The following OR9Q1 variants were observed in gnomAD, a reference collection of about 807,000 sequenced individuals.
The protein encoded by OR9Q1 is olfactory receptor 9Q1.
For missense variants in OR9Q1, 374 were observed against 378.8 expected, an observed-to-expected ratio of 0.99 and a Z score of 0.11; for synonymous variants, 153 against 148.6, an observed-to-expected ratio of 1.03 and a Z score of -0.22.
chr11:58,179,414 C>T lies in OR9Q1; in HGVS notation c.-14-17C>T, dbSNP rs1443564266. 4 of 1,448,696 alleles carry T rather than the reference C, an allele frequency of 2.8e-6. No individual in the cohort carries two copies. The highest frequency in any genetic ancestry group is 3.7e-6 in the Non-Finnish European group (4 of 1,068,084). 89.7% of individuals were successfully genotyped at this position (1,448,696 alleles called of 1,614,324 possible). On this transcript the variant is annotated splice_polypyrimidine_tract_variant and intron_variant, in intron 2 of 2. Coordinates refer to ENST00000335397, the MANE Select transcript of OR9Q1 (RefSeq NM_001005212.4). ...ATTTGCACCTTCCTAACTTGCTTCC[C>T]ATTCTACATGTCTCAGGGACCACTG...
At chr11:58,153,298 A>C (rs1246881246) in intron 2 of OR9Q1, among the ~76,000 whole-genome samples, 1 of 152,168 alleles carries the variant, frequency 6.6e-6, no homozygotes, top group Non-Finnish European at 1.5e-5. Context: ...TGGCTTTTAG[A>C]GTTTAAGAAA....
intron 2 of OR9Q1, among the ~76,000 whole-genome samples, chr11:58,129,159 G>T (rs1051507435): frequency 6.6e-6 from 1 of 151,804 alleles, no homozygotes; most frequent in African/African-American, 2.4e-5. Context: ...CATCTCCACG[G>T]CCCATCCACC....
At chr11:58,034,260 T>A (rs12792435) in intron 1 of OR9Q1, among the ~76,000 whole-genome samples, 32,670 of 151,372 alleles carry the variant, frequency 0.22, 4,075 homozygotes, top group Middle Eastern at 0.38. Flanking sequence ...TAATTTTTTT[T>A]ATATTTTTAG....
chr11:58,036,455 G>T (rs1853101728), intron 1 of OR9Q1, among the ~76,000 whole-genome samples: 1 of 152,176 alleles, frequency 6.6e-6, no homozygotes, highest in Admixed American at 6.5e-5. Flanking sequence ...AGTAGTTTTT[G>T]ATTTCAAGTC....
At chr11:58,048,669 TAAA>T (rs369007273) in intron 1 of OR9Q1, among the ~76,000 whole-genome samples, 3 of 104,014 alleles carry the variant, frequency 2.9e-5, no homozygotes, top group African/African-American at 3.1e-5. Flanking sequence ...GACTCCATCT[TAAA>T]AAAAAAAATA....
chr11:58,181,200 G>A lies in OR9Q1; in HGVS notation c.*823G>A, dbSNP rs886555830. The A allele has an allele frequency of 1.1e-4, 18 of 167,120 alleles. No homozygotes were observed. The highest frequency in any genetic ancestry group is 3.9e-4 in the African/African-American group (16 of 41,530). The allele number at this position is 167,120 out of a possible 1,614,324, so 10.4% of individuals were successfully genotyped here. ...TATGGCATGACTAAAAATCCACTTA[G>A]CAAAGTTATACCATTCCCACTGCCC... On this transcript the variant is annotated 3_prime_UTR_variant, in exon 3 of 3. Transcript: ENST00000335397.
chr11:58,100,456 A>C (rs1853772746), intron 2 of OR9Q1, among the ~76,000 whole-genome samples: 1 of 152,178 alleles, frequency 6.6e-6, no homozygotes, highest in African/African-American at 2.4e-5. Context: ...TATGTGTTAT[A>C]AACTTTATCA....
At chr11:58,032,960 C>CTTA (rs1853058475) in intron 1 of OR9Q1, among the ~76,000 whole-genome samples, 1 of 152,164 alleles carries the variant, frequency 6.6e-6, no homozygotes, top group Non-Finnish European at 1.5e-5. Context: ...TGAACAGACA[C>CTTA]TTATCAAAAG....
rs111294971 is a variant in OR9Q1, at chr11:58,167,764, C to T, written c.-14-11667C>T. Among the ~76,000 whole-genome samples the T allele has an allele frequency of 3.3e-3, 505 of 152,254 alleles. 1 individual carries two copies. Among genetic ancestry groups the T allele is most frequent in the Non-Finnish European group, 5.0e-3 (341 of 68,010 alleles). Reference sequence around the variant, plus strand: ...CTCTATGTGGTGTCTCATCCTCCAACGGGCTAGCCCAAGCTGTTCCCATGG... The same window carrying T: ...CTCTATGTGGTGTCTCATCCTCCAATGGGCTAGCCCAAGCTGTTCCCATGG... On this transcript the variant is annotated intron_variant, in intron 2 of 2. Coordinates refer to ENST00000335397, the MANE Select transcript of OR9Q1 (RefSeq NM_001005212.4).
At chr11:58,095,374 C>T (rs1853720281) in intron 2 of OR9Q1, among the ~76,000 whole-genome samples, 1 of 152,200 alleles carries the variant, frequency 6.6e-6, no homozygotes, top group African/African-American at 2.4e-5. Flanking sequence ...TCCCTAGATC[C>T]TTGTGTCTGA....
chr11:58,062,156 C>T (rs1446602274), intron 2 of OR9Q1, among the ~76,000 whole-genome samples: 1 of 152,174 alleles, frequency 6.6e-6, no homozygotes, highest in Non-Finnish European at 1.5e-5. Flanking sequence ...TCAGTGTATT[C>T]TCTCCCTACA....
intron 2 of OR9Q1, among the ~76,000 whole-genome samples, chr11:58,178,858 A>G (rs1590628845): frequency 1.4e-5 from 2 of 141,368 alleles, no homozygotes; most frequent in South Asian, 2.3e-4. Context: ...CCTACATCAC[A>G]CCTGACATAT....
intron 2 of OR9Q1, among the ~76,000 whole-genome samples, chr11:58,166,524 A>G (rs558712869): frequency 6.6e-6 from 1 of 152,176 alleles, no homozygotes; most frequent in Admixed American, 6.5e-5. Flanking sequence ...GCTGCAGATT[A>G]TTCACTTATT....
intron 1 of OR9Q1, chr11:58,030,984 TAACTG>T (rs765817419): frequency 2.6e-5 from 42 of 1,613,902 alleles, no homozygotes; most frequent in Non-Finnish European, 3.5e-5. Context: ...TGGACCCAGG[TAACTG>T]AATTTGTCAT....
chr11:58,176,603 A>C (rs765733987), intron 2 of OR9Q1, among the ~76,000 whole-genome samples: 8 of 152,202 alleles, frequency 5.3e-5, no homozygotes, highest in Non-Finnish European at 1.2e-4. Context: ...ATCTGGAAAC[A>C]CAAAGAATAA....
At chr11:58,075,887 A>T (rs1036485725) in intron 2 of OR9Q1, among the ~76,000 whole-genome samples, 3 of 152,186 alleles carry the variant, frequency 2.0e-5, no homozygotes, top group African/African-American at 7.2e-5. Flanking sequence ...AGGAATCATC[A>T]CTTACTATGT....
chr11:58,128,984 C>T (rs1391963620), intron 2 of OR9Q1, among the ~76,000 whole-genome samples: 1 of 152,124 alleles, frequency 6.6e-6, no homozygotes, highest in Non-Finnish European at 1.5e-5. Flanking sequence ...CTTTTCATTT[C>T]CCACTATTCA....
At chr11:58,053,489 C>T (rs11823590) in intron 1 of OR9Q1, among the ~76,000 whole-genome samples, 29,706 of 132,004 alleles carry the variant, frequency 0.23, 3,872 homozygotes, top group East Asian at 0.56. Context: ...AGGAGATATA[C>T]CTAATGCTAA....
chr11:58,031,753 G>C, intron 1 of OR9Q1: 1 of 1,614,056 alleles, frequency 6.2e-7, no homozygotes, highest in East Asian at 2.2e-5. Flanking sequence ...TCCAGACCAA[G>C]GTGACCTCCT....
Sources: gnomAD v4.1 joint callset for allele counts (sites outside exome capture counted in the v4.1 genomes callset) on GRCh38, gnomAD v4.1.1 for gene constraint, MANE v1.5 for transcripts, NCBI Gene and HGNC (gene_info 2026-07-23, HGNC 2026-07-21) for gene names.